Variants in SNAPC4 observed in about 807,000 individuals in gnomAD.
The protein encoded by SNAPC4 is snRNA-activating protein complex subunit 4.
Under a neutral mutation model 151.3 loss-of-function variants are expected in SNAPC4, and 127 were observed. The ratio of observed to expected loss-of-function variants is 0.84; its 90% CI spans 0.73 to 0.97. SNAPC4 has a LOEUF of 0.97. Ranked by LOEUF, SNAPC4 falls within the 50% of genes least tolerant of loss-of-function variation. The pLI, the probability that SNAPC4 is intolerant of heterozygous loss-of-function variation, is 0.00. For synonymous variants in SNAPC4, 1,002 were observed against 824.4 expected, an observed-to-expected ratio of 1.22 and a Z score of -3.69; for missense variants, 2,186 against 1,935.0, an observed-to-expected ratio of 1.13 and a Z score of -2.43.
At chr9:136,380,302 G>A (rs1351032642) in intron 20 of SNAPC4, among the ~76,000 whole-genome samples, 2 of 152,144 alleles carry the variant, frequency 1.3e-5, no homozygotes, top group Admixed American at 6.5e-5. Flanking sequence ...AGGGAGAGGC[G>A]GGGGGGCTGG....
In SNAPC4 at chr9:136,377,989, C is replaced by T; in HGVS notation, c.3838G>A (p.Ala1280Thr). The T allele has an allele frequency of 1.2e-6, 2 of 1,602,858 alleles. No homozygotes were observed. ...CCCCCCAGCCACTGCTGTGTGGCCG[C>T]CTCGCCCTCCTGGGACAGCAGGCCC... ...DLGLLSQEGEAATQQWLGGQR... is the reference protein window; with the variant it reads ...DLGLLSQEGETATQQWLGGQR... Residue 1280 changes from alanine to threonine, a missense_variant, in exon 22 of 24, where the codon GCG (alanine) becomes ACG (threonine). Physicochemically the swap from Ala to Thr is moderately conservative, Grantham distance 58. Coordinates refer to ENST00000684778, the MANE Select transcript of SNAPC4 (RefSeq NM_003086.4).
rs781780955 is a variant in SNAPC4, at chr9:136,392,540, C to T, written c.792G>A (p.Glu264=). The T allele has an allele frequency of 6.5e-5, 105 of 1,613,774 alleles. No homozygotes were observed. Among genetic ancestry groups the T allele is most frequent in the Non-Finnish European group, 8.2e-5 (97 of 1,180,038 alleles). ...LGNRLDSHDW[E]KISNINFEGS... Reference sequence around the variant, plus strand: ...GACTTACGTTAATATTGGAAATCTTCTCCCAGTCGTGGCTGTCCAGCCTGT... The same window carrying T: ...GACTTACGTTAATATTGGAAATCTTTTCCCAGTCGTGGCTGTCCAGCCTGT... The change falls in exon 9 of 24, where the codon GAG becomes GAA. Residue 264 remains glutamate, a synonymous_variant. Transcript: ENST00000684778.
rs192827912 is a variant in SNAPC4 at position 136,388,413 on chromosome 9, C to T, written c.1123+31G>A. The T allele has an allele frequency of 1.2e-4, 194 of 1,604,954 alleles. No homozygotes were observed. The East Asian group carries it at 3.7e-3, about 31-fold the overall frequency. On this transcript the variant is annotated intron_variant, in intron 11 of 23. Transcript: ENST00000684778. ...GTCCTGATATGGGGCCCTGTGACAG[C>T]CTGAGAGCCGTCGGGGTGGAGGGGC...
chr9:136,380,085 C>G (rs1299858987), intron 20 of SNAPC4, among the ~76,000 whole-genome samples: 1 of 152,206 alleles, frequency 6.6e-6, no homozygotes, highest in African/African-American at 2.4e-5. Flanking sequence ...CAGAGCCACC[C>G]AGAGTGGGCA....
Position 136,379,014 on chromosome 9 carries a change from T to C in SNAPC4, c.2813A>G (p.His938Arg), listed in dbSNP as rs1287006822. The change falls in exon 22 of 24, where the codon CAC (histidine) becomes CGC (arginine). Residue 938 changes from histidine (H) to arginine (R), a missense_variant. Coordinates refer to ENST00000684778, the MANE Select transcript of SNAPC4 (RefSeq NM_003086.4). ...ILQPPLPHTPHGRPAPGPTVL... is the reference protein window; with the variant it reads ...ILQPPLPHTPRGRPAPGPTVL... The stretch of plus-strand genomic sequence containing the variant: ...GGTGGGACCCGGGGCTGGGCGGCCG[T>C]GTGGGGTGTGTGGTAGAGGGGGCTG... 9.4e-6 allele frequency: 15 copies of C among 1,603,524 alleles called. No individual in the cohort carries two copies. Among genetic ancestry groups the C allele is most frequent in the Non-Finnish European group, 1.3e-5 (15 of 1,176,214 alleles).
intron 7 of SNAPC4, 24 bp from the exon 8 acceptor site, chr9:136,392,801 A>G (rs2131506168): frequency 2.5e-6 from 4 of 1,602,932 alleles, no homozygotes; most frequent in Non-Finnish European, 3.4e-6. Context: ...CAGAGGCAGA[A>G]GGGCTGGGGC....
At position 136,377,782 on chromosome 9, in the gene SNAPC4, C is replaced by G. The variant is rs1461532083; in HGVS notation, c.4045G>C (p.Gly1349Arg). The G allele has an allele frequency of 6.2e-7, 1 of 1,611,816 alleles. No homozygotes were observed. The highest frequency in any genetic ancestry group is 1.7e-5 in the Admixed American group (1 of 59,958). The change falls in exon 22 of 24, where the codon GGG becomes CGG. Residue 1349 changes from glycine (G) to arginine (R), a missense_variant. By Grantham distance (125) the Gly-to-Arg change is moderately radical (BLOSUM62 -2). Transcript: ENST00000684778. ...TCCTGGAGCTGCCCCCGCACCAGCC[C>G]CAGTGAGGCTTGCAGTGCTCCGGCC... is the stretch of plus-strand genomic sequence containing the variant. The part of the protein sequence containing the change: ...RPAGALQASL[G>R]LVRGQLQDNP...
rs774628294 is a variant in SNAPC4, at chr9:136,383,252, C to T, written c.1917G>A (p.Pro639=). 16 of 1,603,276 alleles carry T rather than the reference C, an allele frequency of 1.0e-5. No homozygotes were observed. The highest frequency in any genetic ancestry group is 8.9e-5 in the East Asian group (4 of 44,748). Residue 639 remains proline, a synonymous_variant, in exon 16 of 24, where the codon CCG becomes CCA. Transcript: ENST00000684778. This position sits in a 1 kb window ranked among gnomAD's most constrained non-coding sequence, Gnocchi z 4.2. ...CTGAGTGGGAGGCCTGGGCAGACCT[C>T]GGGACAGGGCCGTGGGCCCTGGCAG... The part of the protein sequence containing the change: ...QVPARAHGPV[P]RSAQASHSAD...
At chr9:136,399,636 G>A (rs1282136306) in intron 1 of SNAPC4, among the ~76,000 whole-genome samples, 1 of 152,162 alleles carries the variant, frequency 6.6e-6, no homozygotes, top group Non-Finnish European at 1.5e-5. Flanking sequence ...CCACCAAGAC[G>A]GAGCGCAGCA....
chr9:136,385,058 A>G (rs924039742), intron 13 of SNAPC4, among the ~76,000 whole-genome samples: 1 of 152,252 alleles, frequency 6.6e-6, no homozygotes, highest in Non-Finnish European at 1.5e-5. Context: ...TAAAGGACTT[A>G]TATCTGAAAC....
intron 20 of SNAPC4, 94 bp downstream of exon 20, chr9:136,380,646 G>A (rs1833653297): frequency 1.4e-6 from 1 of 693,904 alleles, no homozygotes; most frequent in East Asian, 2.7e-5. Flanking sequence ...CTGCGGTGGA[G>A]CGGGTGGGGC....
chr9:136,394,331 C>T lies in SNAPC4; in HGVS notation c.551-1G>A. 6.2e-7 allele frequency: 1 copy of T among 1,613,300 alleles called. No individual in the cohort carries two copies. Among genetic ancestry groups the T allele is most frequent in the Non-Finnish European group, 8.5e-7 (1 of 1,179,530 alleles). ...AGCAAGGCCTTTTCCCAGTTTTTCC[C>T]TGAGGAGAAGCCACAGCATCATCAC... On this transcript the variant is annotated splice_acceptor_variant, in intron 6 of 23. Transcript: ENST00000684778. LOFTEE classifies it high-confidence loss of function.
At chr9:136,376,064 C>T (rs1833433438) in intron 23 of SNAPC4, among the ~76,000 whole-genome samples, 1 of 152,182 alleles carries the variant, frequency 6.6e-6, no homozygotes, top group Non-Finnish European at 1.5e-5. Context: ...CAGGGCACCA[C>T]CAGAGCACAG....
Position 136,383,176 on chromosome 9 carries a change from CG to C in SNAPC4, c.1983+9del. 1 of 1,522,810 alleles carries C rather than the reference CG, an allele frequency of 6.6e-7. No homozygotes were observed. 94.3% of individuals were successfully genotyped at this position (1,522,810 alleles called of 1,614,324 possible). A position where few individuals can be genotyped will look rare whatever the true frequency, so the allele number is the denominator to read the frequency against. Reference sequence around the variant, plus strand: ...GCACTTCCCGTGGTACACCCAGGGCCGGGGCCTACCTCCAGGGCCTGCTTCT... The same window carrying C: ...GCACTTCCCGTGGTACACCCAGGGCCGGGCCTACCTCCAGGGCCTGCTTCT... On this transcript the variant is annotated intron_variant, in intron 16 of 23. Coordinates refer to ENST00000684778, the MANE Select transcript of SNAPC4 (RefSeq NM_003086.4). This position sits in a 1 kb window ranked among gnomAD's most constrained non-coding sequence, Gnocchi z 4.2.
Position 136,383,760 on chromosome 9 carries a change from A to G in SNAPC4, c.1501-92T>C. The G allele has an allele frequency of 1.3e-6, 2 of 1,504,202 alleles. No homozygotes were observed. The highest frequency in any genetic ancestry group is 1.8e-6 in the Non-Finnish European group (2 of 1,109,596). The allele number at this position is 1,504,202 out of a possible 1,614,324, so 93.2% of individuals were successfully genotyped here. ...GGCCAGCCCTTTGGGGAGAGGCCCA[A>G]GCGGGGGCGCCTCCGGGGTCAAGAG... On this transcript the variant is annotated intron_variant, in intron 15 of 23. Transcript: ENST00000684778. This position sits in a 1 kb window ranked among gnomAD's most constrained non-coding sequence, Gnocchi z 4.2.
intron 13 of SNAPC4, among the ~76,000 whole-genome samples, chr9:136,386,709 T>C (rs1180127976): frequency 6.6e-6 from 1 of 152,118 alleles, no homozygotes; most frequent in Non-Finnish European, 1.5e-5. Context: ...GTTGGGATTA[T>C]AGGCGTGAGC....
At chr9:136,380,636 C>A in intron 20 of SNAPC4, 104 bp downstream of exon 20, 1 of 665,080 alleles carries the variant, frequency 1.5e-6, no homozygotes, top group Admixed American at 2.3e-5. Context: ...CCCTGAGGGG[C>A]TGCGGTGGAG....
chr9:136,385,427 G>A (rs191002841), intron 13 of SNAPC4, among the ~76,000 whole-genome samples: 1 of 152,300 alleles, frequency 6.6e-6, no homozygotes, highest in African/African-American at 2.4e-5. Flanking sequence ...TCACTCGCAG[G>A]ATATAGCTGA....
chr9:136,379,052 CGAG>C lies in SNAPC4; in HGVS notation c.2772_2774del (p.Ser926del), dbSNP rs761575184. The C allele has an allele frequency of 3.6e-5, 58 of 1,590,204 alleles. No individual in the cohort carries two copies. In the Admixed American group the frequency reaches 5.9e-4, roughly 16 times the overall value. ...GTAGAGGGGGCTGGAGGATCACAGA[CGAG>C]GAGACCAGCAGCTGGGACGGGAGCA... On this transcript the variant is annotated inframe_deletion, in exon 22 of 24. Coordinates refer to ENST00000684778, the MANE Select transcript of SNAPC4 (RefSeq NM_003086.4).
Sources: allele counts gnomAD v4.1 joint callset (sites outside exome capture counted in the v4.1 genomes callset), GRCh38; gene constraint gnomAD v4.1.1; non-coding constraint Gnocchi (gnomAD v3.1); transcripts MANE v1.5; gene names NCBI Gene and HGNC (gene_info 2026-07-23, HGNC 2026-07-21).